The following SEC16B variants were observed in gnomAD, a reference collection of about 807,000 sequenced individuals.
The protein encoded by SEC16B is SEC16 homolog B, endoplasmic reticulum export factor, also known as protein transport protein Sec16B.
SEC16B carries 115 observed loss-of-function variants against 141.8 expected under a neutral mutation model. The observed-to-expected ratio is 0.81, with a 90% CI of 0.70 to 0.95. The LOEUF is 0.95. SEC16B is among the 40% of genes least tolerant of loss of function. SEC16B has a pLI of 0.00. For synonymous variants in SEC16B, 493 were observed against 492.5 expected, an observed-to-expected ratio of 1.00 and a Z score of -0.01; for missense variants, 1,291 against 1,312.3, an observed-to-expected ratio of 0.98 and a Z score of 0.25.
chr1:177,946,035 G>C (rs1416069795), intron 14 of SEC16B: 4 of 417,024 alleles, frequency 9.6e-6, no homozygotes, highest in Non-Finnish European at 1.7e-5. Context: ...GTTTTGCCTG[G>C]GTAGGCTCTC....
chr1:177,951,809 T>G, intron 12 of SEC16B, 105 bp downstream of exon 12: 2 of 838,098 alleles, frequency 2.4e-6, no homozygotes, highest in South Asian at 1.5e-5. Flanking sequence ...ATTAATATTA[T>G]CATCACTTTT....
intron 22 of SEC16B, among the ~76,000 whole-genome samples, 172 bp downstream of exon 22, chr1:177,933,042 G>A (rs1242118790): frequency 6.6e-6 from 1 of 151,932 alleles, no homozygotes; most frequent in African/African-American, 2.4e-5. Context: ...TTTTTAATCT[G>A]CCTTTGCCCT....
At chr1:177,949,746 T>C (rs1019096025) in intron 12 of SEC16B, among the ~76,000 whole-genome samples, 2 of 152,158 alleles carry the variant, frequency 1.3e-5, no homozygotes, top group Admixed American at 1.3e-4. Context: ...CAGGTTAAAC[T>C]TGTGTGAAAC....
intron 16 of SEC16B, 39 bp from the exon 17 acceptor site, chr1:177,940,753 AGAGAG>A (rs762667685): frequency 7.0e-7 from 1 of 1,421,988 alleles, no homozygotes; most frequent in Non-Finnish European, 9.9e-7. Context: ...GCAGAAAGTA[AGAGAG>A]GAGAGGAGAG....
At chr1:177,950,880 G>A (rs1461925636) in intron 12 of SEC16B, among the ~76,000 whole-genome samples, 1 of 147,466 alleles carries the variant, frequency 6.8e-6, no homozygotes, top group East Asian at 2.0e-4. Flanking sequence ...AGGGAAGGAA[G>A]GAAGGAGGAA....
At chr1:177,933,997 A>ACCCC (rs1557966772) in intron 20 of SEC16B, among the ~76,000 whole-genome samples, 21 of 149,148 alleles carry the variant, frequency 1.4e-4, no homozygotes, top group African/African-American at 4.0e-4. Flanking sequence ...GCTCCCCCCA[A>ACCCC]AAAAAAAAAA....
chr1:177,937,407 G>A lies in SEC16B; in HGVS notation c.2310C>T (p.Pro770=), dbSNP rs1194841140. 3.1e-6 allele frequency: 5 copies of A among 1,610,746 alleles called. No individual in the cohort carries two copies. The highest frequency in any genetic ancestry group is 2.2e-5 in the East Asian group (1 of 44,804). The change falls in exon 19 of 26, where the codon CCC becomes CCT. Residue 770 remains proline (P), a synonymous_variant. Transcript: ENST00000308284. ...LTPEQTCLLQ[P]SPQQPFPLQP... is the part of the protein sequence containing the mutation. ...GGAGGGGAAAGGGCTGCTGTGGGCT[G>A]GGCTGGAGCAGGCAGGTCTGCTCAG...
At chr1:177,933,153 G>A (rs1650572869) in intron 22 of SEC16B, 61 bp downstream of exon 22, 3 of 1,377,344 alleles carry the variant, frequency 2.2e-6, no homozygotes, top group African/African-American at 1.4e-5. Context: ...CCTAGGTGCT[G>A]AGGCAGCTCC....
intron 1 of SEC16B, among the ~76,000 whole-genome samples, chr1:177,969,322 C>A (rs1653794962): frequency 6.6e-6 from 1 of 152,172 alleles, no homozygotes; most frequent in African/African-American, 2.4e-5. Context: ...ACAAGAAGAA[C>A]AAGGTGCGGA....
intron 8 of SEC16B, chr1:177,959,915 C>A: frequency 5.2e-6 from 1 of 193,982 alleles, no homozygotes; most frequent in Non-Finnish European, 1.1e-5. Context: ...CACTTGCACA[C>A]TGTTCTGTAA....
At chr1:177,937,899 T>G (rs948491854) in intron 18 of SEC16B, among the ~76,000 whole-genome samples, 1 of 152,204 alleles carries the variant, frequency 6.6e-6, no homozygotes, top group Middle Eastern at 3.4e-3. Context: ...TAGACACAAC[T>G]GACCAGCATT....
rs1362622255 is a variant in SEC16B at position 177,932,576 on chromosome 1, A to G, written c.2933-7T>C. Reference sequence around the variant, plus strand: ...CCTCGGCCTTCACCCCCACCTGGAAAGTAATGAGGCAGAGCTGTTTCCTCT... The same window carrying G: ...CCTCGGCCTTCACCCCCACCTGGAAGGTAATGAGGCAGAGCTGTTTCCTCT... On this transcript the variant is annotated splice_region_variant and splice_polypyrimidine_tract_variant and intron_variant, in intron 23 of 25. Transcript: ENST00000308284. 1 of 1,555,188 alleles carries G rather than the reference A, an allele frequency of 6.4e-7. No individual in the cohort carries two copies. The highest frequency in any genetic ancestry group is 1.9e-5 in the Admixed American group (1 of 51,764).
intron 12 of SEC16B, among the ~76,000 whole-genome samples, chr1:177,948,853 G>A (rs943171675): frequency 5.9e-5 from 9 of 152,012 alleles, no homozygotes; most frequent in African/African-American, 1.9e-4. Context: ...AAATAAGATA[G>A]TTGTGTAAAG....
At chr1:177,947,760 A>ACAGGGAGGGGAGGGGAGGGGAGGGG (rs1651833754) in intron 13 of SEC16B, 65 bp downstream of exon 13, 1 of 761,798 alleles carries the variant, frequency 1.3e-6, no homozygotes, top group African/African-American at 2.3e-5. Flanking sequence ...GAGGAAAGGG[A>ACAGGGAGGGGAGGGGAGGGGAGGGG]CAGGGAGGGG....
At chr1:177,933,995 C>CAA (rs796164709) in intron 20 of SEC16B, among the ~76,000 whole-genome samples, 9 of 144,600 alleles carry the variant, frequency 6.2e-5, no homozygotes, top group African/African-American at 1.8e-4. Context: ...AAGCTCCCCC[C>CAA]AAAAAAAAAA....
chr1:177,957,880 T>A (rs1360785308), intron 10 of SEC16B, among the ~76,000 whole-genome samples: 1 of 151,202 alleles, frequency 6.6e-6, no homozygotes, highest in Non-Finnish European at 1.5e-5. Context: ...ATTGTTTTGA[T>A]TTTTAGATCC....
chr1:177,974,681 G>T (rs980407001), upstream of SEC16B, among the ~76,000 whole-genome samples: 1 of 152,184 alleles, frequency 6.6e-6, no homozygotes, highest in African/African-American at 2.4e-5. Context: ...ACAGCATATG[G>T]AAATTACGGA....
upstream of SEC16B, chr1:177,971,530 G>A (rs911753876): frequency 1.3e-5 from 2 of 152,184 alleles, no homozygotes; most frequent in Admixed American, 6.5e-5. Context: ...ACACTGACGT[G>A]ATATCAAATT....
rs188039395 is a variant in SEC16B at position 177,932,454 on chromosome 1, T to C, written c.3012+36A>G. 2.0e-3 allele frequency: 2,967 copies of C among 1,455,338 alleles called. 8 individuals are homozygous for C. The highest frequency in any genetic ancestry group is 2.6e-3 in the Non-Finnish European group (2,790 of 1,088,254). 90.2% of individuals were successfully genotyped at this position (1,455,338 alleles called of 1,614,324 possible). On this transcript the variant is annotated intron_variant, in intron 24 of 25. Coordinates refer to ENST00000308284, the MANE Select transcript of SEC16B (RefSeq NM_033127.4). Reference sequence around the variant, plus strand: ...TCAGTCCTCACACACAGGCATCTGCTGGGGTCCGAGGCTCCAGCCCAGGGG... The same window carrying C: ...TCAGTCCTCACACACAGGCATCTGCCGGGGTCCGAGGCTCCAGCCCAGGGG...
Sources: allele counts gnomAD v4.1 joint callset (sites outside exome capture counted in the v4.1 genomes callset), GRCh38; gene constraint gnomAD v4.1.1; transcripts MANE v1.5; gene names NCBI Gene and HGNC (gene_info 2026-07-23, HGNC 2026-07-21).